RAP1GAP2: variants seen among roughly 807,000 people sequenced by gnomAD.
The protein encoded by RAP1GAP2 is rap1 GTPase-activating protein 2.
A neutral mutation model predicts 95.0 loss-of-function variants in RAP1GAP2; 27 were observed. That is an observed-to-expected ratio of 0.28 (90% CI 0.21 to 0.39). The LOEUF is 0.39. Among genes scored for constraint, RAP1GAP2 ranks in the 10% least tolerant of loss-of-function variants. The pLI is 1.00. For synonymous variants in RAP1GAP2, 373 were observed against 380.9 expected (o/e 0.98, Z 0.24); for missense variants, 771 against 970.0 (o/e 0.79, Z 2.72).
In RAP1GAP2 at chr17:2,965,657, G is replaced by C; in HGVS notation, c.596+14G>C. 1 of 1,542,972 alleles carries C rather than the reference G, an allele frequency of 6.5e-7. No individual in the cohort carries two copies. Among genetic ancestry groups the C allele is most frequent in the Non-Finnish European group, 8.9e-7 (1 of 1,124,774 alleles). On this transcript the variant is annotated intron_variant, in intron 8 of 24. Transcript: ENST00000254695. This position sits in a 1 kb window ranked among gnomAD's most constrained non-coding sequence, Gnocchi z 4.7. Reference sequence around the variant, plus strand: ...GGTCATCCTTAGGTAGGGCTGTTGCGCTGCTTGAGGCCACTTCTCTTCCAG... The same window carrying C: ...GGTCATCCTTAGGTAGGGCTGTTGCCCTGCTTGAGGCCACTTCTCTTCCAG...
chr17:2,976,153 A>G (rs1387187087), intron 8 of RAP1GAP2, among the ~76,000 whole-genome samples: 1 of 152,234 alleles, frequency 6.6e-6, no homozygotes, highest in African/African-American at 2.4e-5. Flanking sequence ...TTTTGACAAC[A>G]TTGCTGAGAA....
rs2046254110 is a variant in RAP1GAP2, at chr17:3,004,019, G to A, written c.1201-1350G>A. Among the ~76,000 whole-genome samples the A allele has an allele frequency of 6.6e-6, 1 of 152,234 alleles. No individual in the cohort carries two copies. The highest frequency in any genetic ancestry group is 2.1e-4 in the South Asian group (1 of 4,818). The stretch of plus-strand genomic sequence containing the variant: ...CAGGCTGGAGGAGGAGGGGGAGTGG[G>A]GTGGGAAGGGCAGAGCTGGGGCTGC... On this transcript the variant is annotated intron_variant, in intron 14 of 24. Transcript: ENST00000254695. This position sits in a 1 kb window ranked among gnomAD's most constrained non-coding sequence, Gnocchi z 4.1.
Position 2,884,510 on chromosome 17 carries a change from C to T in RAP1GAP2, c.81-20774C>T, listed in dbSNP as rs149253893. ...GCCTCAGCCTCCCAAGTAGCTGGGA[C>T]TACAGGCGTGCACCACTATGCCTGG... On this transcript the variant is annotated intron_variant, in intron 2 of 24. Coordinates refer to ENST00000254695, the MANE Select transcript of RAP1GAP2 (RefSeq NM_015085.5). Among the ~76,000 whole-genome samples the T allele has an allele frequency of 2.3e-3, 346 of 151,614 alleles. 3 individuals carry two copies. The highest frequency in any genetic ancestry group is 8.0e-3 in the African/African-American group (329 of 41,336).
Position 2,905,307 on chromosome 17 carries a change from C to T in RAP1GAP2, c.104C>T (p.Ser35Leu), listed in dbSNP as rs754468943. 16 of 1,613,640 alleles carry T rather than the reference C, an allele frequency of 9.9e-6. No homozygotes were observed. In the Admixed American group the frequency reaches 1.0e-4, roughly 10 times the overall value. ...KVKKQELANS[S>L]DATLPDRPLS... is the part of the protein sequence containing the mutation. ...AGGAAGCAGGAGCTGGCCAACAGCTCGGATGCGACCCTCCCAGACCGGCCG... is the reference window on the plus strand; with the variant it reads ...AGGAAGCAGGAGCTGGCCAACAGCTTGGATGCGACCCTCCCAGACCGGCCG... The change falls in exon 3 of 25, where the codon TCG (serine) becomes TTG (leucine). Residue 35 changes from serine to leucine, a missense_variant. Ser to Leu is a moderately radical substitution (Grantham distance 145, BLOSUM62 -2). Transcript: ENST00000254695.
chr17:2,967,842 C>T (rs715661), intron 8 of RAP1GAP2, among the ~76,000 whole-genome samples: 31,575 of 152,032 alleles, frequency 0.21, 3,391 homozygotes, highest in East Asian at 0.26. Flanking sequence ...GATTTTTTAA[C>T]GGATGTCCCA....
At chr17:2,995,992 G>A (rs771506860) in intron 13 of RAP1GAP2, among the ~76,000 whole-genome samples, 66 of 150,188 alleles carry the variant, frequency 4.4e-4, no homozygotes, top group Admixed American at 2.3e-3. Context: ...TGATTGTGGG[G>A]ATTACATACA....
rs1267674416 is a variant in RAP1GAP2, at chr17:3,036,588, GAAA to G, written c.*3228_*3230del. ...AGCTTGAACCAAGAAAACGAGGAGG[GAAA>G]GGGATTCAGTGAACTATTCCTCAGT... On this transcript the variant is annotated 3_prime_UTR_variant, in exon 25 of 25. Coordinates refer to ENST00000254695, the MANE Select transcript of RAP1GAP2 (RefSeq NM_015085.5). 3 of 152,300 alleles carry G rather than the reference GAAA, an allele frequency of 2.0e-5. No homozygotes were observed. The highest frequency in any genetic ancestry group is 6.5e-5 in the Admixed American group (1 of 15,284). The allele number at this position is 152,300 out of a possible 1,614,324, so 9.4% of individuals were successfully genotyped here. A position where few individuals can be genotyped will look rare whatever the true frequency, so the allele number is the denominator to read the frequency against.
At position 3,003,697 on chromosome 17, in the gene RAP1GAP2, G is replaced by T. The variant is rs1050769652; in HGVS notation, c.1201-1672G>T. The stretch of plus-strand genomic sequence containing the variant: ...TCCCTCCCTCCAAGCCCTCGCTGGA[G>T]GCCCTCGCTGCATTTAGAAAACAGG... On this transcript the variant is annotated intron_variant, in intron 14 of 24. Transcript: ENST00000254695. The surrounding 1 kb of genome is among the most constrained non-coding windows in gnomAD (Gnocchi z 4.1). 2.0e-5 allele frequency among the ~76,000 whole-genome samples: 3 copies of T among 152,174 alleles called. No homozygotes were observed. Among genetic ancestry groups the T allele is most frequent in the Non-Finnish European group, 2.9e-5 (2 of 68,030 alleles).
chr17:2,850,575 C>T (rs1476827824), intron 2 of RAP1GAP2, among the ~76,000 whole-genome samples: 14 of 149,906 alleles, frequency 9.3e-5, no homozygotes, highest in South Asian at 4.2e-4. Context: ...GGTGAAACCC[C>T]GTCTCTACTA....
At chr17:2,920,868 A>C (rs1597612928) in intron 3 of RAP1GAP2, among the ~76,000 whole-genome samples, 1 of 151,804 alleles carries the variant, frequency 6.6e-6, no homozygotes, top group South Asian at 2.1e-4. Context: ...GTGTTCTGCC[A>C]CCCACCCCCA....
intron 8 of RAP1GAP2, among the ~76,000 whole-genome samples, chr17:2,977,356 G>C (rs1300664729): frequency 6.6e-6 from 1 of 152,104 alleles, no homozygotes; most frequent in Non-Finnish European, 1.5e-5. Flanking sequence ...GTACGCAAAA[G>C]TATCCTCCTA....
intron 3 of RAP1GAP2, among the ~76,000 whole-genome samples, chr17:2,931,280 T>TTGTGTGTGTG (rs34690298): frequency 0.015 from 2,133 of 146,716 alleles, 12 homozygotes; most frequent in African/African-American, 0.021. Context: ...TGAGTGTTTC[T>TTGTGTGTGTG]TGTGTGTGTG....
Position 2,761,154 on chromosome 17 carries a change from CT to C in RAP1GAP2, c.50+5389del, listed in dbSNP as rs778971027. On this transcript the variant is annotated intron_variant, in intron 1 of 25. Transcript: ENST00000637138. ...ATGTTTAGTAGGGTTGAGGTTTCACCTTGTTGGCCAGGCTGGTCTTGAACTC... is the reference window on the plus strand; with the variant it reads ...ATGTTTAGTAGGGTTGAGGTTTCACCTGTTGGCCAGGCTGGTCTTGAACTC... Among the ~76,000 whole-genome samples the C allele has an allele frequency of 8.6e-5, 13 of 151,678 alleles. No homozygotes were observed. In the East Asian group the frequency reaches 2.5e-3, roughly 29 times the overall value.
chr17:2,956,231 A>G (rs2044100521), intron 3 of RAP1GAP2, among the ~76,000 whole-genome samples: 1 of 152,190 alleles, frequency 6.6e-6, no homozygotes, highest in African/African-American at 2.4e-5. Context: ...TGGTCAAGGG[A>G]GTTGGGCGCG....
chr17:2,984,027 A>G (rs375952640), intron 10 of RAP1GAP2, among the ~76,000 whole-genome samples: 76 of 152,338 alleles, frequency 5.0e-4, no homozygotes, highest in African/African-American at 1.5e-3. Context: ...AGCTCACTCA[A>G]AGCTACATAG....
rs1438496372 is a variant in RAP1GAP2 at position 2,828,313 on chromosome 17, C to T, written c.80+27763C>T. 4.0e-5 allele frequency among the ~76,000 whole-genome samples: 6 copies of T among 150,962 alleles called. No individual in the cohort carries two copies. In the Admixed American group the frequency reaches 4.0e-4, roughly 10 times the overall value. ...CCGAGATCGCGCCATTGCACTCCAA[C>T]CTGGGCGACAGTGAGACTCCATCTC... On this transcript the variant is annotated intron_variant, in intron 2 of 24. Coordinates refer to ENST00000254695, the MANE Select transcript of RAP1GAP2 (RefSeq NM_015085.5).
chr17:2,963,475 C>G lies in RAP1GAP2; in HGVS notation c.279+13C>G. On this transcript the variant is annotated intron_variant, in intron 6 of 24. Transcript: ENST00000254695. This position sits in a 1 kb window ranked among gnomAD's most constrained non-coding sequence, Gnocchi z 4.8. ...CAGCATCGACGAGGTAGGTGCCCTC[C>G]CCTCACTCCCACCTGCCCTGCAGCC... is the stretch of plus-strand genomic sequence containing the variant. 6.2e-7 allele frequency: 1 copy of G among 1,613,826 alleles called. No individual in the cohort carries two copies. The highest frequency in any genetic ancestry group is 1.1e-5 in the South Asian group (1 of 91,080).
chr17:2,913,445 T>C (rs1046425897), intron 3 of RAP1GAP2, among the ~76,000 whole-genome samples: 3 of 151,824 alleles, frequency 2.0e-5, no homozygotes, highest in South Asian at 4.2e-4. Flanking sequence ...CACGCCACCA[T>C]GCCCAGCTAA....
chr17:2,763,906 GC>G (rs2068231055), intron 1 of RAP1GAP2, among the ~76,000 whole-genome samples: 1 of 151,908 alleles, frequency 6.6e-6, no homozygotes, highest in Non-Finnish European at 1.5e-5. Context: ...TCTTCTTTCA[GC>G]CTGGGGACCT....
Sources: allele counts gnomAD v4.1 joint callset (sites outside exome capture counted in the v4.1 genomes callset), GRCh38; gene constraint gnomAD v4.1.1; non-coding constraint Gnocchi (gnomAD v3.1); transcripts MANE v1.5; gene names NCBI Gene and HGNC (gene_info 2026-07-23, HGNC 2026-07-21).